DCHS2: variants seen among roughly 807,000 people sequenced by gnomAD.
The protein encoded by DCHS2 is dachsous cadherin-related 2, also known as protocadherin-23.
In DCHS2, 142 loss-of-function variants were observed where a neutral mutation model predicts 182.4. The observed-to-expected ratio is 0.78, with a 90% confidence interval of 0.68 to 0.89. The LOEUF (loss-of-function observed/expected upper bound fraction) is 0.89. Ranked by LOEUF, DCHS2 falls within the 40% of genes least tolerant of loss-of-function variation. The probability of loss-of-function intolerance (pLI) is 0.00; values close to 1 mark genes in which losing one functional copy is unlikely to be tolerated. For missense variants in DCHS2, 4,319 were observed against 4,198.6 expected, an observed-to-expected ratio of 1.03 and a Z score of -0.79; for synonymous variants, 1,740 against 1,663.3, an observed-to-expected ratio of 1.05 and a Z score of -1.12.
At chr4:154,421,464 G>T (rs539490197) in intron 1 of DCHS2, among the ~76,000 whole-genome samples, 1 of 151,854 alleles carries the variant, frequency 6.6e-6, no homozygotes, top group African/African-American at 2.4e-5. Context: ...GCATGATCCC[G>T]GCTCACTGCA....
chr4:154,284,439 G>A (rs1734295941), intron 13 of DCHS2: 1 of 152,248 alleles, frequency 6.6e-6, no homozygotes, highest in Non-Finnish European at 1.5e-5. Flanking sequence ...CAAAAATCAG[G>A]TGAGCAATCA....
chr4:154,333,597 TTCAG>T, intron 4 of DCHS2, 103 bp from the exon 5 acceptor site: 1 of 1,083,472 alleles, frequency 9.2e-7, no homozygotes, highest in Non-Finnish European at 1.3e-6. Flanking sequence ...CTAATGACAC[TTCAG>T]TCAATGATGG....
chr4:154,390,072 C>T (rs1731616462), intron 1 of DCHS2, among the ~76,000 whole-genome samples: 1 of 151,622 alleles, frequency 6.6e-6, no homozygotes, highest in Non-Finnish European at 1.5e-5. Context: ...CTGACCTAGG[C>T]TGTTGATACT....
At chr4:154,368,106 G>A (rs1387531179) in intron 2 of DCHS2, among the ~76,000 whole-genome samples, 1 of 152,168 alleles carries the variant, frequency 6.6e-6, no homozygotes, top group Non-Finnish European at 1.5e-5. Context: ...AACAATGCAA[G>A]TTCATCTATC....
At chr4:154,467,738 G>A (rs1735297469) in intron 1 of DCHS2, among the ~76,000 whole-genome samples, 1 of 152,072 alleles carries the variant, frequency 6.6e-6, no homozygotes, top group Non-Finnish European at 1.5e-5. Context: ...TGGCAATTTT[G>A]AAGAAATCAT....
chr4:154,321,405 T>A (rs1315216942), intron 8 of DCHS2, among the ~76,000 whole-genome samples, 183 bp from the exon 9 acceptor site: 1 of 152,164 alleles, frequency 6.6e-6, no homozygotes, highest in Non-Finnish European at 1.5e-5. Context: ...AAAAACTGCA[T>A]AATATTTAGG....
At chr4:154,384,574 T>A in intron 1 of DCHS2, 1 of 1,491,054 alleles carries the variant, frequency 6.7e-7, no homozygotes, top group South Asian at 1.3e-5. Flanking sequence ...AGTACTACCT[T>A]ATATGGCAAC....
chr4:154,247,686 A>G (rs1411528641), intron 16 of DCHS2, among the ~76,000 whole-genome samples: 1 of 150,410 alleles, frequency 6.6e-6, no homozygotes, highest in East Asian at 1.9e-4. Context: ...TTAGAATGGC[A>G]CTAGACTTGT....
intron 1 of DCHS2, among the ~76,000 whole-genome samples, chr4:154,403,070 A>G (rs1054343795): frequency 3.3e-5 from 5 of 152,178 alleles, no homozygotes; most frequent in Non-Finnish European, 4.4e-5. Context: ...ATTATTATAG[A>G]TTACTTAGGC....
chr4:154,333,000 T>C lies in DCHS2; in HGVS notation c.3208A>G (p.Thr1070Ala), dbSNP rs114391452. Residue 1070 changes from threonine to alanine, a missense_variant, in exon 5 of 20, where the codon ACA (threonine) becomes GCA (alanine). By Grantham distance (58) the Thr-to-Ala change is moderately conservative. Transcript: ENST00000357232. ...TGTTCGCGTTTCTCGATAACGACTG[T>C]CAGCACCAGCAGGGCTGCCTGAGGA... is the stretch of plus-strand genomic sequence containing the variant. ...VHPQAALLVLTVVIEKREHSP... is the reference protein window; with the variant it reads ...VHPQAALLVLAVVIEKREHSP... 4.3e-6 allele frequency: 7 copies of C among 1,614,154 alleles called. No homozygotes were observed. In the African/African-American group the frequency reaches 9.3e-5, roughly 22 times the overall value.
At position 154,236,635 on chromosome 4, in the gene DCHS2, G is replaced by A. The variant is rs767232591; in HGVS notation, c.8017C>T (p.His2673Tyr). The stretch of plus-strand genomic sequence containing the variant: ...CCTAGAGGGGTGCTTTCCTTGACAT[G>A]GGTGTGATAGCTCAGGCTGCTGAAG... ...PNFSSLSYHT[H>Y]VKESTPLGSH... The change falls in exon 20 of 20, where the codon CAT becomes TAT. Residue 2673 changes from histidine to tyrosine, a missense_variant. His to Tyr is a moderately conservative substitution (Grantham distance 83). Transcript: ENST00000357232. The A allele has an allele frequency of 1.2e-5, 19 of 1,613,898 alleles. No homozygotes were observed. The Admixed American group carries it at 1.7e-4, about 14-fold the overall frequency.
At chr4:154,248,881 A>G (rs1732214270) in intron 16 of DCHS2, among the ~76,000 whole-genome samples, 1 of 152,224 alleles carries the variant, frequency 6.6e-6, no homozygotes, top group Non-Finnish European at 1.5e-5. Flanking sequence ...CTGGCTAACC[A>G]GATGCAGAAG....
In DCHS2 at chr4:154,333,187, GTC is replaced by G. The variant is rs751248356; in HGVS notation, c.3019_3020del (p.Asp1007GlnfsTer88). ...ACCGGATGAGTCCGTTCCGCCCACTGTCTCTGTCTTCCGCACGTGCGAGGTAC... is the reference window on the plus strand; with the variant it reads ...ACCGGATGAGTCCGTTCCGCCCACTGTCTGTCTTCCGCACGTGCGAGGTAC... The part of the protein sequence containing the change: ...ALYLARAEDR[D>X]SGRNGLIRYS... On this transcript the variant is annotated frameshift_variant, in exon 5 of 20. Coordinates refer to ENST00000357232, the MANE Select transcript of DCHS2 (RefSeq NM_001358235.2). LOFTEE classifies it high-confidence loss of function. 6.2e-6 allele frequency: 10 copies of G among 1,614,252 alleles called. No homozygotes were observed. Among genetic ancestry groups the G allele is most frequent in the East Asian group, 2.2e-5 (1 of 44,878 alleles).
At chr4:154,454,393 G>A (rs1049713889) in intron 1 of DCHS2, among the ~76,000 whole-genome samples, 3 of 152,004 alleles carry the variant, frequency 2.0e-5, no homozygotes, top group African/African-American at 4.8e-5. Context: ...ACAGGTGTAC[G>A]CCATCATGCT....
intron 1 of DCHS2, among the ~76,000 whole-genome samples, chr4:154,446,262 A>G (rs1488929379): frequency 6.6e-6 from 1 of 152,208 alleles, no homozygotes; most frequent in Non-Finnish European, 1.5e-5. Context: ...TCTGAAATGG[A>G]ATTTCATGAA....
chr4:154,368,719 G>T (rs116219683), intron 2 of DCHS2, among the ~76,000 whole-genome samples: 5,856 of 152,106 alleles, frequency 0.038, 151 homozygotes, highest in Middle Eastern at 0.061. Flanking sequence ...GACTGGTCTC[G>T]AACTCCTGAC....
At chr4:154,431,896 A>C (rs17031636) in intron 1 of DCHS2, among the ~76,000 whole-genome samples, 7,827 of 152,294 alleles carry the variant, frequency 0.051, 291 homozygotes, top group East Asian at 0.14. Flanking sequence ...CATTTAAAAA[A>C]TTTCTGTCCT....
intron 13 of DCHS2, among the ~76,000 whole-genome samples, chr4:154,286,958 G>A (rs1336599115): frequency 6.6e-6 from 1 of 152,106 alleles, no homozygotes; most frequent in Non-Finnish European, 1.5e-5. Flanking sequence ...CCTAAAAGCA[G>A]CCCAAGAAAA....
Position 154,332,765 on chromosome 4 carries a change from A to G in DCHS2, c.3443T>C (p.Phe1148Ser), listed in dbSNP as rs1253521099. Residue 1148 changes from phenylalanine to serine, a missense_variant, in exon 5 of 20, where the codon TTT (phenylalanine) becomes TCT (serine). By Grantham distance (155) the Phe-to-Ser change is radical. Transcript: ENST00000357232. Reference sequence around the variant, plus strand: ...ATATGTTTGGGTGGATTCATAGTCAAACTGTCGCCGCAAATAAATCCAGCC... The same window carrying G: ...ATATGTTTGGGTGGATTCATAGTCAGACTGTCGCCGCAAATAAATCCAGCC... ...YTGWIYLRRQ[F>S]DYESTQTYNF... is the part of the protein sequence containing the mutation. 3.7e-6 allele frequency: 6 copies of G among 1,614,102 alleles called. No individual in the cohort carries two copies. The South Asian group carries it at 6.6e-5, about 18-fold the overall frequency.
Sources: allele counts gnomAD v4.1 joint callset (sites outside exome capture counted in the v4.1 genomes callset), GRCh38; gene constraint gnomAD v4.1.1; transcripts MANE v1.5; gene names NCBI Gene and HGNC (gene_info 2026-07-23, HGNC 2026-07-21).